Variants in DRGX observed in about 807,000 individuals in gnomAD.
DRGX encodes the protein dorsal root ganglia homeobox.
DRGX carries 21 observed loss-of-function variants against 28.6 expected under a neutral mutation model. The observed-to-expected ratio is 0.73, with a 90% CI of 0.52 to 1.06. The LOEUF (loss-of-function observed/expected upper bound fraction) is 1.06. Ranked by LOEUF, DRGX falls within the 50% of genes least tolerant of loss-of-function variation. DRGX has a pLI of 0.00. For missense variants in DRGX, 354 were observed against 343.9 expected (o/e 1.03, Z -0.23); for synonymous variants, 136 against 139.1 (o/e 0.98, Z 0.16).
At position 49,391,261 on chromosome 10, in the gene DRGX, C is replaced by T. The variant is rs746390501; in HGVS notation, c.35G>A (p.Gly12Asp). ...FYFHCPPQLE[G>D]TATFGNHSSG... ...AGAGTGATTGCCAAAGGTTGCAGTG[C>T]CTACCAAGAGCAAACTGATCAACCT... Residue 12 changes from glycine (G) to aspartate (D), a missense_variant and splice_region_variant, in exon 3 of 7, where the codon GGC becomes GAC. Physicochemically the swap from Gly to Asp is moderately conservative, Grantham distance 94 (BLOSUM62 -1). Transcript: ENST00000374139. The T allele has an allele frequency of 1.7e-5, 27 of 1,608,656 alleles. No individual in the cohort carries two copies. The highest frequency in any genetic ancestry group is 2.3e-5 in the Non-Finnish European group (27 of 1,177,498).
At chr10:49,383,220 T>A (rs1849796869) in intron 6 of DRGX, among the ~76,000 whole-genome samples, 1 of 152,266 alleles carries the variant, frequency 6.6e-6, no homozygotes, top group Admixed American at 6.5e-5. Flanking sequence ...CCCCTCTTGC[T>A]ATAATACTGA....
chr10:49,375,804 G>A (rs921295902), intron 6 of DRGX, among the ~76,000 whole-genome samples: 5 of 152,104 alleles, frequency 3.3e-5, no homozygotes, highest in African/African-American at 4.8e-5. Context: ...TCACAGGGAC[G>A]CATGTTCCTG....
At chr10:49,382,138 T>A (rs1849783038) in intron 6 of DRGX, among the ~76,000 whole-genome samples, 1 of 152,042 alleles carries the variant, frequency 6.6e-6, no homozygotes, top group African/African-American at 2.4e-5. Context: ...GGCCTCTCAT[T>A]GTCCCCCAAC....
At chr10:49,380,223 A>G (rs1849759952) in intron 6 of DRGX, among the ~76,000 whole-genome samples, 2 of 152,236 alleles carry the variant, frequency 1.3e-5, no homozygotes, top group South Asian at 4.1e-4. Context: ...CTACCCTGGC[A>G]GCTGTAATTA....
intron 2 of DRGX, among the ~76,000 whole-genome samples, chr10:49,393,714 G>A (rs1178074810): frequency 6.6e-6 from 1 of 152,168 alleles, no homozygotes; most frequent in Non-Finnish European, 1.5e-5. Flanking sequence ...TGCAAAACTG[G>A]CATAGAATCA....
chr10:49,366,498 G>C (rs1849603058), intron 6 of DRGX, 117 bp from the exon 7 acceptor site: 1 of 1,407,174 alleles, frequency 7.1e-7, no homozygotes, highest in Non-Finnish European at 9.5e-7. Flanking sequence ...TCTGGTGCCA[G>C]ATACTAAAGG....
At chr10:49,384,911 C>G (rs191307137) in intron 6 of DRGX, among the ~76,000 whole-genome samples, 1 of 152,158 alleles carries the variant, frequency 6.6e-6, no homozygotes, top group African/African-American at 2.4e-5. Context: ...GTAGGGCGAG[C>G]GACCCTCATT....
chr10:49,378,124 G>A (rs1210957389), intron 6 of DRGX, among the ~76,000 whole-genome samples: 1 of 152,066 alleles, frequency 6.6e-6, no homozygotes, highest in African/African-American at 2.4e-5. Flanking sequence ...CATGCAGTCA[G>A]CTCAACAGTT....
intron 6 of DRGX, among the ~76,000 whole-genome samples, chr10:49,369,311 C>T (rs1157014446): frequency 6.6e-6 from 1 of 152,218 alleles, no homozygotes. Flanking sequence ...CCCCTACACA[C>T]ATACTCACAC....
rs373611218 is a variant in DRGX, at chr10:49,395,641, G to C, written c.-81-120C>G. The C allele has an allele frequency of 2.6e-5, 17 of 650,236 alleles. 1 individual carries two copies. The highest frequency in any genetic ancestry group is 2.0e-4 in the African/African-American group (11 of 55,394). 40.3% of individuals were successfully genotyped at this position (650,236 alleles called of 1,614,324 possible). A position where few individuals can be genotyped will look rare whatever the true frequency, so the allele number is the denominator to read the frequency against. On this transcript the variant is annotated intron_variant, in intron 1 of 6. Transcript: ENST00000374139. ...CCTCCCAACGCCCTCATCTCACTGC[G>C]GGGGACAGGAGGGAAGGCGGCAGCC...
At position 49,383,487 on chromosome 10, in the gene DRGX, G is replaced by A. The variant is rs901526875; in HGVS notation, c.526+2991C>T. On this transcript the variant is annotated intron_variant, in intron 6 of 6. Transcript: ENST00000374139. ...AGCAGAAATGGGACACCCCCTTACA[G>A]CCTGTCACAAAACAGCAGGGCCATG... Among the ~76,000 whole-genome samples, 4 of 152,296 alleles carry A rather than the reference G, an allele frequency of 2.6e-5. No individual in the cohort carries two copies. In the East Asian group the frequency reaches 7.7e-4, roughly 29 times the overall value.
intron 4 of DRGX, among the ~76,000 whole-genome samples, chr10:49,388,655 T>C (rs1849866617): frequency 6.6e-6 from 1 of 152,262 alleles, no homozygotes; most frequent in Non-Finnish European, 1.5e-5. Context: ...TATCATATTT[T>C]AATGACTTTG....
intron 6 of DRGX, among the ~76,000 whole-genome samples, chr10:49,378,426 G>A (rs1346970338): frequency 6.6e-6 from 1 of 152,194 alleles, no homozygotes; most frequent in Admixed American, 6.5e-5. Flanking sequence ...GCAAAATGGA[G>A]AAAGTGCCAG....
In DRGX at chr10:49,386,723, C is replaced by T. The variant is rs1319411602; in HGVS notation, c.370G>A (p.Asp124Asn). Residue 124 changes from aspartate to asparagine, a missense_variant, in exon 5 of 7, where the codon GAC (aspartate) becomes AAC (asparagine). By Grantham distance (23) the Asp-to-Asn change is conservative (BLOSUM62 1). Coordinates refer to ENST00000374139, the MANE Select transcript of DRGX (RefSeq NM_001276451.2). ...GCCTCCTTCTTACTCCGGGCTTGGT[C>T]CCCAGGGGGCGGGGAGTTGATGTTT... is the stretch of plus-strand genomic sequence containing the variant. ...VRNINSPPPG[D>N]QARSKKEALE... The T allele has an allele frequency of 4.4e-6, 7 of 1,598,542 alleles. No individual in the cohort carries two copies. The highest frequency in any genetic ancestry group is 6.0e-6 in the Non-Finnish European group (7 of 1,173,026).
Position 49,395,531 on chromosome 10 carries a change from A to T in DRGX, c.-81-10T>A. The T allele has an allele frequency of 7.0e-7, 1 of 1,429,384 alleles. No homozygotes were observed. The highest frequency in any genetic ancestry group is 9.6e-7 in the Non-Finnish European group (1 of 1,042,400). 88.5% of individuals were successfully genotyped at this position (1,429,384 alleles called of 1,614,324 possible). A position where few individuals can be genotyped will look rare whatever the true frequency, so the allele number is the denominator to read the frequency against. On this transcript the variant is annotated splice_polypyrimidine_tract_variant and intron_variant, in intron 1 of 6. Coordinates refer to ENST00000374139, the MANE Select transcript of DRGX (RefSeq NM_001276451.2). Reference sequence around the variant, plus strand: ...CGTTGCTCCTGCCTGGCTGCAAAGCAAACAGCGATAGAGCTTCAAGTCTCC... The same window carrying T: ...CGTTGCTCCTGCCTGGCTGCAAAGCTAACAGCGATAGAGCTTCAAGTCTCC...
Position 49,366,225 on chromosome 10 carries a change from G to A in DRGX, c.683C>T (p.Pro228Leu). ...AGGGCCGGGGCTGCTGCTGGTGGAA[G>A]GCAGGAGGTTGGCTGACTGCAGGAC... ...EAVLQSANLL[P>L]STSSSPGPVA... The change falls in exon 7 of 7, where the codon CCT becomes CTT. Residue 228 changes from proline to leucine, a missense_variant. Physicochemically the swap from Pro to Leu is moderately conservative, Grantham distance 98. Coordinates refer to ENST00000374139, the MANE Select transcript of DRGX (RefSeq NM_001276451.2). 6.2e-7 allele frequency: 1 copy of A among 1,613,898 alleles called. No homozygotes were observed. The highest frequency in any genetic ancestry group is 8.5e-7 in the Non-Finnish European group (1 of 1,179,862).
intron 6 of DRGX, among the ~76,000 whole-genome samples, chr10:49,384,467 T>C (rs997859829): frequency 3.3e-5 from 5 of 151,764 alleles, no homozygotes; most frequent in African/African-American, 1.2e-4. Context: ...GCCCTGCACC[T>C]CCCAAGATCC....
intron 6 of DRGX, among the ~76,000 whole-genome samples, chr10:49,379,385 A>G (rs1453286283): frequency 1.3e-5 from 2 of 152,230 alleles, no homozygotes; most frequent in African/African-American, 4.8e-5. Flanking sequence ...TCTAATGAAT[A>G]TTCTATTTTA....
At chr10:49,379,365 C>T (rs1229741672) in intron 6 of DRGX, among the ~76,000 whole-genome samples, 2 of 152,128 alleles carry the variant, frequency 1.3e-5, no homozygotes, top group Non-Finnish European at 2.9e-5. Context: ...GTGCAAGCTT[C>T]GTGCATTTTT....
Sources: allele counts gnomAD v4.1 joint callset (sites outside exome capture counted in the v4.1 genomes callset), GRCh38; gene constraint gnomAD v4.1.1; transcripts MANE v1.5; gene names NCBI Gene and HGNC (gene_info 2026-07-23, HGNC 2026-07-21).